Variants in LRIT2 observed in about 807,000 individuals in gnomAD.
LRIT2 encodes leucine rich repeat, Ig-like and transmembrane domains 2.
In LRIT2, 23 loss-of-function variants were observed where a neutral mutation model predicts 22.4. The observed-to-expected ratio is 1.03, with a 90% confidence interval of 0.74 to 1.45. LRIT2 has a LOEUF of 1.45. Ranked by LOEUF, LRIT2 falls within the 40% of genes most tolerant of loss-of-function variation. LRIT2 has a pLI of 0.00. For synonymous variants in LRIT2, 291 were observed against 267.1 expected (o/e 1.09, Z -0.87); for missense variants, 784 against 665.6 (o/e 1.18, Z -1.96).
In LRIT2 at chr10:84,222,300, G is replaced by A; in HGVS notation, c.1273C>T (p.Pro425Ser). 1 of 1,614,226 alleles carries A rather than the reference G, an allele frequency of 6.2e-7. No homozygotes were observed. Among genetic ancestry groups the A allele is most frequent in the East Asian group, 2.2e-5 (1 of 44,876 alleles). ...AGGCAGGCCTCATATTTTGTGCCAG[G>A]AAGGAGGTCATCCACAGCATAAGTA... is the stretch of plus-strand genomic sequence containing the variant. The part of the protein sequence containing the change: ...INTYAVDDLL[P>S]GTKYEACLSL... Residue 425 changes from proline to serine, a missense_variant, in exon 3 of 3, where the codon CCT becomes TCT. Coordinates refer to ENST00000372113, the MANE Select transcript of LRIT2 (RefSeq NM_001017924.5).
Position 84,222,557 on chromosome 10 carries a change from A to C in LRIT2, c.1016T>G (p.Val339Gly), listed in dbSNP as rs1362920641. The C allele has an allele frequency of 1.1e-5, 18 of 1,613,964 alleles. No individual in the cohort carries two copies. The highest frequency in any genetic ancestry group is 1.4e-5 in the Non-Finnish European group (17 of 1,180,028). The part of the protein sequence containing the change: ...ASNSIGKSNL[V>G]ISLHVQPAQA... Reference sequence around the variant, plus strand: ...GGCAGGCTGGACATGGAGAGAGATTACAAGGTTGCTCTTGCCAATGGAGTT... The same window carrying C: ...GGCAGGCTGGACATGGAGAGAGATTCCAAGGTTGCTCTTGCCAATGGAGTT... Residue 339 changes from valine to glycine, a missense_variant, in exon 3 of 3, where the codon GTA (valine) becomes GGA (glycine). Physicochemically the swap from Val to Gly is moderately radical, Grantham distance 109. Transcript: ENST00000372113.
chr10:84,220,561 A>G (rs1842491704), downstream of LRIT2: 6 of 152,212 alleles, frequency 3.9e-5, no homozygotes, highest in South Asian at 1.2e-3. Context: ...AAATGAGCGG[A>G]CAATTAGTCT....
rs1276354518 is a variant in LRIT2 at position 84,224,252 on chromosome 10, T to A, written c.892+81A>T. ...CCCACCCTTCGTGACTGACCCAGCTTTGAATCTCTCTAATGAGGATGGGTT... is the reference window on the plus strand; with the variant it reads ...CCCACCCTTCGTGACTGACCCAGCTATGAATCTCTCTAATGAGGATGGGTT... On this transcript the variant is annotated intron_variant, in intron 2 of 2. Transcript: ENST00000372113. The A allele has an allele frequency of 1.0e-4, 145 of 1,436,596 alleles. 1 individual carries two copies. The highest frequency in any genetic ancestry group is 1.3e-4 in the Non-Finnish European group (136 of 1,068,578). The allele number at this position is 1,436,596 out of a possible 1,614,324, so 89.0% of individuals were successfully genotyped here.
At position 84,222,449 on chromosome 10, in the gene LRIT2, A is replaced by C; in HGVS notation, c.1124T>G (p.Val375Gly). 1 of 1,614,102 alleles carries C rather than the reference A, an allele frequency of 6.2e-7. No homozygotes were observed. The highest frequency in any genetic ancestry group is 1.1e-5 in the South Asian group (1 of 91,086). ...YIDLRVVKQT[V>G]HGILLEWLAV... Reference sequence around the variant, plus strand: ...AAGCCACTCCAGCAAAATCCCATGCACTGTCTGCTTGACAACCCGCAGGTC... The same window carrying C: ...AAGCCACTCCAGCAAAATCCCATGCCCTGTCTGCTTGACAACCCGCAGGTC... Residue 375 changes from valine to glycine, a missense_variant, in exon 3 of 3, where the codon GTG becomes GGG. Val to Gly is a moderately radical substitution (Grantham distance 109). Transcript: ENST00000372113.
upstream of LRIT2, chr10:84,225,548 G>C (rs758086495): frequency 6.2e-7 from 1 of 1,608,986 alleles, no homozygotes; most frequent in Admixed American, 1.7e-5. Flanking sequence ...TACGTTGTGA[G>C]TTTTGAATAA....
At position 84,222,316 on chromosome 10, in the gene LRIT2, A is replaced by G. The variant is rs753581847; in HGVS notation, c.1257T>C (p.Ala419=). 2 of 1,614,072 alleles carry G rather than the reference A, an allele frequency of 1.2e-6. No individual in the cohort carries two copies. The highest frequency in any genetic ancestry group is 2.7e-5 in the African/African-American group (2 of 74,912). Residue 419 remains alanine, a synonymous_variant, in exon 3 of 3, where the codon GCT becomes GCC. Coordinates refer to ENST00000372113, the MANE Select transcript of LRIT2 (RefSeq NM_001017924.5). ...VHIGPGINTY[A]VDDLLPGTKY... is the part of the protein sequence containing the mutation. ...TTGTGCCAGGAAGGAGGTCATCCAC[A>G]GCATAAGTATTGATTCCGGGGCCAA...
upstream of LRIT2, chr10:84,225,547 A>C: frequency 6.2e-7 from 1 of 1,609,170 alleles, no homozygotes; most frequent in East Asian, 2.2e-5. Flanking sequence ...ATACGTTGTG[A>C]GTTTTGAATA....
At chr10:84,223,658 A>T (rs1231161646) in intron 2 of LRIT2, among the ~76,000 whole-genome samples, 2 of 152,266 alleles carry the variant, frequency 1.3e-5, no homozygotes, top group South Asian at 2.1e-4. Context: ...CAGCTTTGGG[A>T]TACCCCCAGG....
intron 2 of LRIT2, chr10:84,222,942 G>A: frequency 1.5e-6 from 1 of 689,442 alleles, no homozygotes; most frequent in South Asian, 1.5e-5. Context: ...GAGTTGTTCA[G>A]AAGCAACAAT....
At chr10:84,223,085 T>C (rs1310977350) in intron 2 of LRIT2, among the ~76,000 whole-genome samples, 3 of 152,176 alleles carry the variant, frequency 2.0e-5, no homozygotes, top group Non-Finnish European at 4.4e-5. Flanking sequence ...GATTGTACGA[T>C]ATTATGAGCT....
In LRIT2 at chr10:84,223,745, C is replaced by T. The variant is rs556981351; in HGVS notation, c.892+588G>A. Among the ~76,000 whole-genome samples the T allele has an allele frequency of 2.0e-5, 3 of 152,268 alleles. No homozygotes were observed. The East Asian group carries it at 5.8e-4, about 30-fold the overall frequency. ...GGTAATCCCAGCTGAGGTATGAAAACAGAGCAGAGGGTTCCAGGAAGGAAG... is the reference window on the plus strand; with the variant it reads ...GGTAATCCCAGCTGAGGTATGAAAATAGAGCAGAGGGTTCCAGGAAGGAAG... On this transcript the variant is annotated intron_variant, in intron 2 of 2. Coordinates refer to ENST00000372113, the MANE Select transcript of LRIT2 (RefSeq NM_001017924.5).
Position 84,221,976 on chromosome 10 carries a change from C to T in LRIT2, c.1597G>A (p.Gly533Arg). 9 of 1,574,732 alleles carry T rather than the reference C, an allele frequency of 5.7e-6. No homozygotes were observed. The highest frequency in any genetic ancestry group is 7.8e-6 in the Non-Finnish European group (9 of 1,158,940). Reference sequence around the variant, plus strand: ...TTGTCCCCCTCAGTGTCTATGTGCCCTTCACCGTCATCACAGACAGCTGGA... The same window carrying T: ...TTGTCCCCCTCAGTGTCTATGTGCCTTTCACCGTCATCACAGACAGCTGGA... Reference protein sequence around the residue: ...EHPAVCDDGEGHIDTEGDKEK... With the variant: ...EHPAVCDDGERHIDTEGDKEK... Residue 533 changes from glycine to arginine, a missense_variant, in exon 3 of 3, where the codon GGG becomes AGG. Gly to Arg is a moderately radical substitution (Grantham distance 125). Coordinates refer to ENST00000372113, the MANE Select transcript of LRIT2 (RefSeq NM_001017924.5).
At position 84,222,045 on chromosome 10, in the gene LRIT2, T is replaced by A; in HGVS notation, c.1528A>T (p.Thr510Ser). The change falls in exon 3 of 3, where the codon ACC becomes TCC. Residue 510 changes from threonine to serine, a missense_variant. Physicochemically the swap from Thr to Ser is moderately conservative, Grantham distance 58. Coordinates refer to ENST00000372113, the MANE Select transcript of LRIT2 (RefSeq NM_001017924.5). The stretch of plus-strand genomic sequence containing the variant: ...TCCTTGGACTGCGGGGCTGCAGGGG[T>A]GCAGCTGGGGGCTTTCCTGCGATGA... ...CLHRRKAPSC[T>S]PAAPQSKDGS... The A allele has an allele frequency of 6.2e-7, 1 of 1,610,290 alleles. No homozygotes were observed. Among genetic ancestry groups the A allele is most frequent in the Non-Finnish European group, 8.5e-7 (1 of 1,177,892 alleles).
intron 2 of LRIT2, among the ~76,000 whole-genome samples, chr10:84,223,397 TACA>T (rs1842530382): frequency 6.6e-6 from 1 of 151,968 alleles, no homozygotes; most frequent in African/African-American, 2.4e-5. Context: ...TCAAAGAGGC[TACA>T]ACAATAAATC....
rs762647788 is a variant in LRIT2 at position 84,224,418 on chromosome 10, ATT to A, written c.805_806del (p.Asn269CysfsTer28). 4 of 1,614,254 alleles carry A rather than the reference ATT, an allele frequency of 2.5e-6. No individual in the cohort carries two copies. Among genetic ancestry groups the A allele is most frequent in the Non-Finnish European group, 3.4e-6 (4 of 1,180,036 alleles). On this transcript the variant is annotated frameshift_variant, in exon 2 of 3. Transcript: ENST00000372113. LOFTEE classifies it high-confidence loss of function. ...SANITIRAGQ[N>X]VTLRCLAQAS... ...CCTGTGCCAAGCATCGCAGGGTCAC[ATT>A]CTGTCCTGCCCGGATGGTGATATTG...
chr10:84,225,217 A>G lies in LRIT2; in HGVS notation c.111-103T>C, dbSNP rs560303078. ...ACATGTGAATCAGAATAAAAATATT[A>G]TTATTCATTGAAATAAAAGAGTTAG... On this transcript the variant is annotated intron_variant, in intron 1 of 2. Coordinates refer to ENST00000372113, the MANE Select transcript of LRIT2 (RefSeq NM_001017924.5). The G allele has an allele frequency of 9.4e-5, 118 of 1,252,596 alleles. No homozygotes were observed. In the African/African-American group the frequency reaches 1.5e-3, roughly 16 times the overall value. 77.6% of individuals were successfully genotyped at this position (1,252,596 alleles called of 1,614,324 possible).
Position 84,222,668 on chromosome 10 carries a change from G to A in LRIT2, c.905C>T (p.Ser302Phe). The A allele has an allele frequency of 6.2e-7, 1 of 1,613,876 alleles. No individual in the cohort carries two copies. Among genetic ancestry groups the A allele is most frequent in the African/African-American group, 1.3e-5 (1 of 75,028 alleles). The change falls in exon 3 of 3, where the codon TCT becomes TTT. Residue 302 changes from serine to phenylalanine, a missense_variant. Ser to Phe is a radical substitution (Grantham distance 155, BLOSUM62 -2). Transcript: ENST00000372113. The stretch of plus-strand genomic sequence containing the variant: ...TGACAGAGCAGTGTCTTCTCCAGTA[G>A]AAGATGTCAACACTGGGTGGAAAGA... The part of the protein sequence containing the change: ...MWREFDVLTS[S>F]TGEDTALSEL...
Position 84,222,387 on chromosome 10 carries a change from G to C in LRIT2, c.1186C>G (p.Leu396Val), listed in dbSNP as rs1842518730. 6.2e-7 allele frequency: 1 copy of C among 1,614,056 alleles called. No homozygotes were observed. The highest frequency in any genetic ancestry group is 1.3e-5 in the African/African-American group (1 of 74,926). ...ADTSKEEWFT[L>V]YIASDEAFRK... is the part of the protein sequence containing the mutation. ...AAGGCTTCATCCGATGCAATGTAGA[G>C]GGTGAACCACTCCTCCTTAGAGGTG... The change falls in exon 3 of 3, where the codon CTC (leucine) becomes GTC (valine). Residue 396 changes from leucine (L) to valine (V), a missense_variant. Transcript: ENST00000372113.
chr10:84,225,296 A>C (rs1813156075), intron 1 of LRIT2, 115 bp downstream of exon 1: 3 of 1,295,872 alleles, frequency 2.3e-6, no homozygotes, highest in Non-Finnish European at 2.1e-6. Context: ...AACTAGAATG[A>C]GTCTCATAGA....
Sources: allele counts gnomAD v4.1 joint callset (sites outside exome capture counted in the v4.1 genomes callset), GRCh38; gene constraint gnomAD v4.1.1; transcripts MANE v1.5; gene names NCBI Gene and HGNC (gene_info 2026-07-23, HGNC 2026-07-21).